Variants in UGT2B7 observed in about 807,000 individuals in gnomAD.
The protein encoded by UGT2B7 is UDP-glucuronosyltransferase 2B7.
Under a neutral mutation model 51.9 loss-of-function variants are expected in UGT2B7, and 51 were observed. The ratio of observed to expected loss-of-function variants is 0.98; its 90% CI spans 0.78 to 1.24. The LOEUF (loss-of-function observed/expected upper bound fraction) is 1.24, where lower values mean the gene tolerates loss of function less well. UGT2B7 is among the 50% of genes most tolerant of loss of function. The pLI is 0.00. For missense variants in UGT2B7, 727 were observed against 628.4 expected, an observed-to-expected ratio of 1.16 and a Z score of -1.68; for synonymous variants, 225 against 211.6, an observed-to-expected ratio of 1.06 and a Z score of -0.55.
chr4:69,094,745 A>G (rs1287730286), upstream of UGT2B7, among the ~76,000 whole-genome samples: 4 of 152,214 alleles, frequency 2.6e-5, no homozygotes, highest in Non-Finnish European at 5.9e-5. Context: ...ACCCTTTCAC[A>G]AAAGATATTT....
rs758769228 is a variant in UGT2B7 at position 69,112,699 on chromosome 4, A to G, written c.1553A>G (p.Lys518Arg). ...AAATGTTGTCTGTTTTGTTTCTGGA[A>G]GTTTGCTAGAAAAGCAAAGAAGGGA... ...VTKCCLFCFW[K>R]FARKAKKGKN... The change falls in exon 6 of 6, where the codon AAG becomes AGG. Residue 518 changes from lysine (K) to arginine (R), a missense_variant. Lys to Arg is a conservative substitution (Grantham distance 26). Coordinates refer to ENST00000305231, the MANE Select transcript of UGT2B7 (RefSeq NM_001074.4). 1.2e-6 allele frequency: 2 copies of G among 1,613,924 alleles called. No homozygotes were observed. Among genetic ancestry groups the G allele is most frequent in the Non-Finnish European group, 1.7e-6 (2 of 1,179,858 alleles).
At position 69,096,794 on chromosome 4, in the gene UGT2B7, C is replaced by A; in HGVS notation, c.274C>A (p.Gln92Lys). 1 of 1,613,948 alleles carries A rather than the reference C, an allele frequency of 6.2e-7. No homozygotes were observed. The highest frequency in any genetic ancestry group is 1.7e-5 in the Admixed American group (1 of 59,966). Residue 92 changes from glutamine (Q) to lysine (K), a missense_variant, in exon 1 of 6, where the codon CAA becomes AAA. Gln to Lys is a moderately conservative substitution (Grantham distance 53, BLOSUM62 1). Coordinates refer to ENST00000305231, the MANE Select transcript of UGT2B7 (RefSeq NM_001074.4). Reference sequence around the variant, plus strand: ...AACTGAGTTGGAGAATTTCATCATGCAACAGATTAAGAGATGGTCAGACCT... The same window carrying A: ...AACTGAGTTGGAGAATTTCATCATGAAACAGATTAAGAGATGGTCAGACCT... ...TKTELENFIMQQIKRWSDLPK... is the reference protein window; with the variant it reads ...TKTELENFIMKQIKRWSDLPK...
At position 69,108,327 on chromosome 4, in the gene UGT2B7, G is replaced by T; in HGVS notation, c.1310+5G>T. 6.2e-7 allele frequency: 1 copy of T among 1,612,950 alleles called. No individual in the cohort carries two copies. Among genetic ancestry groups the T allele is most frequent in the South Asian group, 1.1e-5 (1 of 91,058 alleles). The stretch of plus-strand genomic sequence containing the variant: ...GAGAGTAATTAATGATCCTTCGTGA[G>T]TAGAACAATATTTTTCACTAGGTGG... On this transcript the variant is annotated splice_donor_5th_base_variant and intron_variant, in intron 5 of 5. Coordinates refer to ENST00000305231, the MANE Select transcript of UGT2B7 (RefSeq NM_001074.4).
intron 1 of UGT2B7, among the ~76,000 whole-genome samples, chr4:69,064,054 A>C (rs1290360886): frequency 2.8e-5 from 3 of 108,122 alleles, no homozygotes; most frequent in Admixed American, 2.7e-4. Context: ...GAAAGAAAGA[A>C]AGAAAGAAAG....
At chr4:69,091,043 T>C (rs1362062635) in intron 2 of UGT2B7, among the ~76,000 whole-genome samples, 1 of 152,188 alleles carries the variant, frequency 6.6e-6, no homozygotes, top group East Asian at 1.9e-4. Flanking sequence ...ACTCATTCTG[T>C]TCTTTATTGG....
At chr4:69,081,353 T>C (rs1718832793) in intron 1 of UGT2B7, among the ~76,000 whole-genome samples, 1 of 98,636 alleles carries the variant, frequency 1.0e-5, no homozygotes, top group Non-Finnish European at 1.9e-5. Flanking sequence ...TAATATACAC[T>C]TGTAATTATT....
rs770621742 is a variant in UGT2B7, at chr4:69,108,053, A to C, written c.1091-50A>C. On this transcript the variant is annotated intron_variant, in intron 4 of 5. Coordinates refer to ENST00000305231, the MANE Select transcript of UGT2B7 (RefSeq NM_001074.4). ...TCACTTTCAGAGCCTTTCATTGTGCATCTCATTTTATTCCTATGAGTAATT... is the reference window on the plus strand; with the variant it reads ...TCACTTTCAGAGCCTTTCATTGTGCCTCTCATTTTATTCCTATGAGTAATT... 45 of 1,583,946 alleles carry C rather than the reference A, an allele frequency of 2.8e-5. 2 individuals carry two copies. In the South Asian group the frequency reaches 4.8e-4, roughly 17 times the overall value.
intron 1 of UGT2B7, among the ~76,000 whole-genome samples, chr4:69,078,825 G>A (rs894259168): frequency 3.9e-5 from 6 of 152,134 alleles, no homozygotes; most frequent in African/African-American, 7.2e-5. Flanking sequence ...TATTTGCCAT[G>A]CTGTTGGTGT....
chr4:69,077,797 C>T (rs1025325393), intron 1 of UGT2B7, among the ~76,000 whole-genome samples: 9 of 152,142 alleles, frequency 5.9e-5, no homozygotes, highest in Non-Finnish European at 7.3e-5. Context: ...TTTCCCTAGC[C>T]AGAACCTCCA....
chr4:69,077,813 A>C (rs985021439), intron 1 of UGT2B7, among the ~76,000 whole-genome samples: 2 of 152,132 alleles, frequency 1.3e-5, no homozygotes, highest in Non-Finnish European at 2.9e-5. Flanking sequence ...CTCCAATACT[A>C]TGTTGAATAG....
rs1719814479 is a variant in UGT2B7, at chr4:69,112,667, C to T, written c.1521C>T (p.Ile507=). Reference sequence around the variant, plus strand: ...TCTGTGTGGCAACTGTGATATTTATCGTCACAAAATGTTGTCTGTTTTGTT... The same window carrying T: ...TCTGTGTGGCAACTGTGATATTTATTGTCACAAAATGTTGTCTGTTTTGTT... ...LLVCVATVIF[I]VTKCCLFCFW... The change falls in exon 6 of 6, where the codon ATC becomes ATT. Residue 507 remains isoleucine (I), a synonymous_variant. Coordinates refer to ENST00000305231, the MANE Select transcript of UGT2B7 (RefSeq NM_001074.4). The T allele has an allele frequency of 5.6e-6, 9 of 1,613,668 alleles. No individual in the cohort carries two copies. The highest frequency in any genetic ancestry group is 1.3e-5 in the African/African-American group (1 of 74,930).
At chr4:69,053,004 TATC>T (rs1382248627) in intron 1 of UGT2B7, among the ~76,000 whole-genome samples, 7 of 152,186 alleles carry the variant, frequency 4.6e-5, no homozygotes, top group Non-Finnish European at 7.4e-5. Flanking sequence ...GTTAAAAAGA[TATC>T]ATCCAGTTTT....
chr4:69,100,448 AT>A (rs1333408065), intron 2 of UGT2B7, among the ~76,000 whole-genome samples: 3 of 152,078 alleles, frequency 2.0e-5, no homozygotes. Context: ...TTAAAAGATC[AT>A]TTTTGTCTAC....
rs57075995 is a variant in UGT2B7 at position 69,112,836 on chromosome 4, C to CAAAA, written c.*110_*113dup. On this transcript the variant is annotated 3_prime_UTR_variant, in exon 6 of 6. Transcript: ENST00000305231. ...ATGCAAGATTTCTTTCTTCCTGAGA[C>CAAAA]AAAAAAAAAAAAAGAAAAAAAAATC... The CAAAA allele has an allele frequency of 1.4e-5, 15 of 1,057,678 alleles. No individual in the cohort carries two copies. In the African/African-American group the frequency reaches 1.6e-4, roughly 11 times the overall value. The allele number at this position is 1,057,678 out of a possible 1,614,324, so 65.5% of individuals were successfully genotyped here.
Position 69,107,217 on chromosome 4 carries a change from C to A in UGT2B7, c.1045C>A (p.Leu349Ile), listed in dbSNP as rs1719627197. The A allele has an allele frequency of 6.2e-7, 1 of 1,609,810 alleles. No homozygotes were observed. The highest frequency in any genetic ancestry group is 1.1e-5 in the South Asian group (1 of 90,762). ...TGGGAATAAACCAGATACCTTAGGT[C>A]TCAATACTCGGCTCTACAAGTGGAT... is the stretch of plus-strand genomic sequence containing the variant. ...FDGNKPDTLG[L>I]NTRLYKWIPQ... Residue 349 changes from leucine (L) to isoleucine (I), a missense_variant, in exon 4 of 6, where the codon CTC (leucine) becomes ATC (isoleucine). By Grantham distance (5) the Leu-to-Ile change is conservative (BLOSUM62 2). Coordinates refer to ENST00000305231, the MANE Select transcript of UGT2B7 (RefSeq NM_001074.4).
intron 1 of UGT2B7, among the ~76,000 whole-genome samples, chr4:69,052,032 A>G (rs1560495451): frequency 6.6e-6 from 1 of 152,180 alleles, no homozygotes; most frequent in Admixed American, 6.5e-5. Context: ...CACCCCACTG[A>G]GAACTATGTT....
chr4:69,073,399 A>AT (rs1395087128), intron 1 of UGT2B7, among the ~76,000 whole-genome samples: 3 of 152,072 alleles, frequency 2.0e-5, no homozygotes. Context: ...TTCAAGTTAC[A>AT]TTTTTCTATA....
chr4:69,096,651 A>G lies in UGT2B7; in HGVS notation c.131A>G (p.Asp44Gly). 6.2e-7 allele frequency: 1 copy of G among 1,614,024 alleles called. No homozygotes were observed. The highest frequency in any genetic ancestry group is 1.3e-5 in the African/African-American group (1 of 75,034). Reference sequence around the variant, plus strand: ...TGGATGAATATAAAGACAATCCTGGATGAGCTTATTCAGAGAGGTCATGAG... The same window carrying G: ...TGGATGAATATAAAGACAATCCTGGGTGAGCTTATTCAGAGAGGTCATGAG... Reference protein sequence around the residue: ...SHWMNIKTILDELIQRGHEVT... With the variant: ...SHWMNIKTILGELIQRGHEVT... The change falls in exon 1 of 6, where the codon GAT (aspartate) becomes GGT (glycine). Residue 44 changes from aspartate to glycine, a missense_variant. Asp to Gly is a moderately conservative substitution (Grantham distance 94, BLOSUM62 -1). Coordinates refer to ENST00000305231, the MANE Select transcript of UGT2B7 (RefSeq NM_001074.4).
At chr4:69,107,672 A>G (rs1257353707) in intron 4 of UGT2B7, among the ~76,000 whole-genome samples, 1 of 152,106 alleles carries the variant, frequency 6.6e-6, no homozygotes, top group Non-Finnish European at 1.5e-5. Flanking sequence ...GCTAATCTTA[A>G]TCATACAGTG....
Sources: allele counts gnomAD v4.1 joint callset (sites outside exome capture counted in the v4.1 genomes callset), GRCh38; gene constraint gnomAD v4.1.1; transcripts MANE v1.5; gene names NCBI Gene and HGNC (gene_info 2026-07-23, HGNC 2026-07-21).